The following LINGO2 variants were observed in gnomAD, a reference collection of about 807,000 sequenced individuals.
LINGO2 encodes the protein leucine-rich repeat and immunoglobulin-like domain-containing nogo receptor-interacting protein 2.
A neutral mutation model predicts 30.6 loss-of-function variants in LINGO2; 14 were observed. The ratio of observed to expected loss-of-function variants is 0.46; its 90% confidence interval spans 0.30 to 0.72. The LOEUF (loss-of-function observed/expected upper bound fraction) is 0.72. LINGO2 is among the 30% of genes least tolerant of loss of function. The pLI, the probability that LINGO2 is intolerant of heterozygous loss-of-function variation, is 0.07. For missense variants in LINGO2, 729 were observed against 751.7 expected, an observed-to-expected ratio of 0.97 and a Z score of 0.35; for synonymous variants, 317 against 288.5, an observed-to-expected ratio of 1.10 and a Z score of -1.00.
chr9:27,968,522 A>G (rs1044349365), intron 5 of LINGO2, among the ~76,000 whole-genome samples: 6 of 152,082 alleles, frequency 3.9e-5, no homozygotes, highest in Non-Finnish European at 7.4e-5. Context: ...ATGAAAGGAA[A>G]TATGCCAAAC....
At chr9:27,942,737 T>C in the LINGO2 span, 1 of 152,150 alleles carries the variant, frequency 6.6e-6, no homozygotes, top group Non-Finnish European at 1.5e-5. Flanking sequence ...TTTCTCCTGC[T>C]CAGGCTTATC....
the LINGO2 span, among the ~76,000 whole-genome samples, chr9:28,794,252 C>A: frequency 1.3e-5 from 2 of 152,094 alleles, no homozygotes; most frequent in African/African-American, 4.8e-5. Flanking sequence ...TGCAGTGAGC[C>A]GAGATCGCGC....
At chr9:28,740,632 T>C in the LINGO2 span, among the ~76,000 whole-genome samples, 2 of 151,966 alleles carry the variant, frequency 1.3e-5, no homozygotes, top group African/African-American at 4.8e-5. Flanking sequence ...GTGAGTTTTA[T>C]ACTAAATACT....
chr9:28,834,468 T>A, the LINGO2 span, among the ~76,000 whole-genome samples: 2 of 152,166 alleles, frequency 1.3e-5, no homozygotes, highest in Non-Finnish European at 2.9e-5. Flanking sequence ...TATTTCCAAA[T>A]CCATGTGTGT....
At chr9:28,503,012 A>C (rs1236601543) in intron 1 of LINGO2, among the ~76,000 whole-genome samples, 1 of 152,072 alleles carries the variant, frequency 6.6e-6, no homozygotes, top group East Asian at 1.9e-4. Flanking sequence ...TAGAGGCAAA[A>C]TGTTAGTGTT....
the LINGO2 span, among the ~76,000 whole-genome samples, chr9:29,039,133 T>G: frequency 2.8e-4 from 43 of 152,106 alleles, no homozygotes; most frequent in African/African-American, 1.0e-3. Context: ...GTTCTGAGAG[T>G]TTGAAAGATC....
In LINGO2 at chr9:28,027,171, T is replaced by C. The variant is rs568147892; in HGVS notation, c.-86-14766A>G. Among the ~76,000 whole-genome samples the C allele has an allele frequency of 1.7e-4, 26 of 152,334 alleles. 1 individual carries two copies. The South Asian group carries it at 2.1e-3, about 12-fold the overall frequency. Reference sequence around the variant, plus strand: ...GTAACACTGATAACCCTAGAAGCACTTAAATGGATTTACTCTATGCCAGAA... The same window carrying C: ...GTAACACTGATAACCCTAGAAGCACCTAAATGGATTTACTCTATGCCAGAA... On this transcript the variant is annotated intron_variant, in intron 4 of 5. Coordinates refer to ENST00000379992, the Ensembl canonical transcript of LINGO2.
At chr9:28,055,367 A>G (rs1824878544) in intron 4 of LINGO2, among the ~76,000 whole-genome samples, 1 of 152,116 alleles carries the variant, frequency 6.6e-6, no homozygotes, top group Non-Finnish European at 1.5e-5. Context: ...TAAACTCTAA[A>G]CAAGCTTCAG....
chr9:28,819,008 GT>G, the LINGO2 span, among the ~76,000 whole-genome samples: 1 of 151,792 alleles, frequency 6.6e-6, no homozygotes, highest in Non-Finnish European at 1.5e-5. Context: ...TAGTTTTGTT[GT>G]TTTTTTTCTA....
chr9:28,216,305 C>T, intron 4 of LINGO2, among the ~76,000 whole-genome samples: 1 of 151,890 alleles, frequency 6.6e-6, no homozygotes, highest in South Asian at 2.1e-4. Context: ...AATTTTGGAC[C>T]TTTTAAAAAC....
At chr9:29,114,247 A>G in the LINGO2 span, among the ~76,000 whole-genome samples, 2 of 151,784 alleles carry the variant, frequency 1.3e-5, no homozygotes, top group Admixed American at 1.3e-4. Context: ...GTATCTATTG[A>G]CATGTTGTCC....
At chr9:29,188,882 G>T in the LINGO2 span, among the ~76,000 whole-genome samples, 1 of 147,090 alleles carries the variant, frequency 6.8e-6, no homozygotes, top group African/African-American at 2.5e-5. Flanking sequence ...GGGCAGAGGG[G>T]CTCCTCACTT....
the LINGO2 span, among the ~76,000 whole-genome samples, chr9:29,110,100 A>G: frequency 6.7e-6 from 1 of 150,214 alleles, no homozygotes; most frequent in Non-Finnish European, 1.5e-5. Flanking sequence ...AGAACTAGGC[A>G]TGGTTAGTGC....
intron 4 of LINGO2, among the ~76,000 whole-genome samples, chr9:28,135,519 A>G (rs1280644063): frequency 1.3e-5 from 2 of 151,860 alleles, no homozygotes; most frequent in Non-Finnish European, 2.9e-5. Flanking sequence ...ACTCAATAAT[A>G]AAATTCAAAA....
At chr9:28,712,735 A>C in the LINGO2 span, among the ~76,000 whole-genome samples, 1 of 152,012 alleles carries the variant, frequency 6.6e-6, no homozygotes, top group African/African-American at 2.4e-5. Context: ...TCTAGAAGAA[A>C]GCAAAATCTA....
chr9:27,993,454 T>C (rs941801213), intron 5 of LINGO2, among the ~76,000 whole-genome samples: 1 of 152,054 alleles, frequency 6.6e-6, no homozygotes, highest in Non-Finnish European at 1.5e-5. Context: ...GGAGGATTGC[T>C]TGAGCCCAGG....
the LINGO2 span, among the ~76,000 whole-genome samples, chr9:28,726,389 C>T: frequency 6.6e-6 from 1 of 151,992 alleles, no homozygotes; most frequent in Non-Finnish European, 1.5e-5. Flanking sequence ...ATTTTCTGAC[C>T]ACAATGGGAT....
At chr9:28,264,540 GC>G in intron 4 of LINGO2, among the ~76,000 whole-genome samples, 1 of 151,970 alleles carries the variant, frequency 6.6e-6, no homozygotes, top group African/African-American at 2.4e-5. Flanking sequence ...TAGTCATTCA[GC>G]CCATGTTTGC....
upstream of LINGO2, among the ~76,000 whole-genome samples, chr9:28,674,221 T>A (rs967646552): frequency 6.6e-6 from 1 of 152,028 alleles, no homozygotes; most frequent in Non-Finnish European, 1.5e-5. Flanking sequence ...GTAAATGCAA[T>A]TTATAAAATA....
Sources: allele counts gnomAD v4.1 joint callset (sites outside exome capture counted in the v4.1 genomes callset), GRCh38; gene constraint gnomAD v4.1.1; transcripts MANE v1.5; gene names NCBI Gene and HGNC (gene_info 2026-07-23, HGNC 2026-07-21).